Variants in HS3ST2 observed in about 807,000 individuals in gnomAD.
HS3ST2 encodes the protein heparan sulfate glucosamine 3-O-sulfotransferase 2.
HS3ST2 carries 17 observed loss-of-function variants against 26.3 expected under a neutral mutation model. That is an observed-to-expected ratio of 0.65 (90% CI 0.44 to 0.97). The LOEUF (loss-of-function observed/expected upper bound fraction) is 0.97, where lower values mean the gene tolerates loss of function less well. Ranked by LOEUF, HS3ST2 falls within the 50% of genes least tolerant of loss-of-function variation. The probability of loss-of-function intolerance (pLI) is 0.00; values close to 1 mark genes in which losing one functional copy is unlikely to be tolerated. For missense variants in HS3ST2, 402 were observed against 501.2 expected, an observed-to-expected ratio of 0.80 and a Z score of 1.89; for synonymous variants, 237 against 219.2, an observed-to-expected ratio of 1.08 and a Z score of -0.72.
At chr16:22,837,525 A>ATG (rs1901280726) in intron 1 of HS3ST2, among the ~76,000 whole-genome samples, 2 of 146,746 alleles carry the variant, frequency 1.4e-5, no homozygotes, top group Non-Finnish European at 3.0e-5. Flanking sequence ...ATATATACAC[A>ATG]TATATATACA....
At position 22,814,765 on chromosome 16, in the gene HS3ST2, C is replaced by T. The variant is rs1254269360; in HGVS notation, c.155C>T (p.Ala52Val). The part of the protein sequence containing the change: ...DDLGRSRLLG[A>V]PRCLRGPSAG... ...CTGGGTCGGAGCCGCCTCCTCGGCG[C>T]GCCTCGCTGCCTCCGCGGCCCCAGC... Residue 52 changes from alanine (A) to valine (V), a missense_variant, in exon 1 of 2, where the codon GCG becomes GTG. Ala to Val is a moderately conservative substitution (Grantham distance 64). Around this residue, in one of 2 missense-constraint regions of HS3ST2, gnomAD observed 165 missense variants for 154.6 expected, o/e 1.07. Coordinates refer to ENST00000261374, the MANE Select transcript of HS3ST2 (RefSeq NM_006043.2). 1.2e-6 allele frequency: 2 copies of T among 1,605,332 alleles called. No homozygotes were observed. Among genetic ancestry groups the T allele is most frequent in the Non-Finnish European group, 1.7e-6 (2 of 1,177,204 alleles).
rs1902487117 is a variant in HS3ST2 at position 22,915,727 on chromosome 16, CAG to C, written c.*170_*171del. On this transcript the variant is annotated 3_prime_UTR_variant, in exon 2 of 2. Coordinates refer to ENST00000261374, the MANE Select transcript of HS3ST2 (RefSeq NM_006043.2). ...GGAAGCCCAGCTAAAGCCAAGAGAC[CAG>C]AGAGTCCCTGCCACTAGTTTTCATC... is the stretch of plus-strand genomic sequence containing the variant. 4 of 702,288 alleles carry C rather than the reference CAG, an allele frequency of 5.7e-6. No homozygotes were observed. Among genetic ancestry groups the C allele is most frequent in the Non-Finnish European group, 7.1e-6 (3 of 419,912 alleles). 43.5% of individuals were successfully genotyped at this position (702,288 alleles called of 1,614,324 possible).
chr16:22,861,064 A>C (rs773986248), intron 1 of HS3ST2, among the ~76,000 whole-genome samples: 1 of 152,008 alleles, frequency 6.6e-6, no homozygotes, highest in African/African-American at 2.4e-5. Flanking sequence ...TTTTGTAGAT[A>C]TAGGGCCTCA....
chr16:22,834,423 G>A (rs209451), intron 1 of HS3ST2, among the ~76,000 whole-genome samples: 54,247 of 151,780 alleles, frequency 0.36, 10,051 homozygotes, highest in African/African-American at 0.44. Flanking sequence ...TGTGATGCAG[G>A]TATCTCTCCA....
At chr16:22,837,078 A>G (rs190779396) in intron 1 of HS3ST2, among the ~76,000 whole-genome samples, 1 of 151,402 alleles carries the variant, frequency 6.6e-6, no homozygotes, top group Non-Finnish European at 1.5e-5. Context: ...TTTTGTTGGC[A>G]AACTGTTTTG....
intron 1 of HS3ST2, among the ~76,000 whole-genome samples, chr16:22,888,159 C>G (rs1171359692): frequency 1.3e-5 from 2 of 152,076 alleles, no homozygotes; most frequent in Non-Finnish European, 2.9e-5. Context: ...TTTCTTAGGT[C>G]ACCTTCCAAA....
chr16:22,884,827 T>C (rs1902038475), intron 1 of HS3ST2, among the ~76,000 whole-genome samples: 1 of 147,236 alleles, frequency 6.8e-6, no homozygotes. Flanking sequence ...CTCTTTTTTC[T>C]TTCTCTCTCC....
intron 1 of HS3ST2, among the ~76,000 whole-genome samples, chr16:22,888,491 A>G (rs960490434): frequency 6.6e-6 from 1 of 150,916 alleles, no homozygotes; most frequent in Non-Finnish European, 1.5e-5. Context: ...GGTTCAAGCA[A>G]TTCTCCTGCC....
At chr16:22,891,042 A>C (rs920133808) in intron 1 of HS3ST2, among the ~76,000 whole-genome samples, 5 of 152,332 alleles carry the variant, frequency 3.3e-5, no homozygotes, top group Non-Finnish European at 1.5e-5. Flanking sequence ...GTGGAATTTT[A>C]AAAAACGAGC....
At chr16:22,880,179 G>T (rs1166823393) in intron 1 of HS3ST2, among the ~76,000 whole-genome samples, 1 of 152,188 alleles carries the variant, frequency 6.6e-6, no homozygotes, top group Non-Finnish European at 1.5e-5. Context: ...AACACTTTGG[G>T]AGGCCAAGGT....
intron 1 of HS3ST2, among the ~76,000 whole-genome samples, chr16:22,865,934 C>A (rs571921872): frequency 1.3e-5 from 2 of 152,214 alleles, no homozygotes; most frequent in East Asian, 3.9e-4. Flanking sequence ...GGGGAAAATG[C>A]ACAATCAAAT....
intron 1 of HS3ST2, among the ~76,000 whole-genome samples, chr16:22,906,367 C>CTAAATAAATAAATAAATAAATAAA (rs55897973): frequency 6.5e-4 from 93 of 144,128 alleles, no homozygotes; most frequent in East Asian, 1.5e-3. Flanking sequence ...GAGACTCCAT[C>CTAAATAAATAAATAAATAAATAAA]TAAATAAATA....
At chr16:22,897,976 A>G (rs1404306809) in intron 1 of HS3ST2, among the ~76,000 whole-genome samples, 1 of 152,258 alleles carries the variant, frequency 6.6e-6, no homozygotes, top group Non-Finnish European at 1.5e-5. Context: ...CTTGTGAGCC[A>G]CAAAGACGAT....
At chr16:22,888,709 A>G (rs1050331791) in intron 1 of HS3ST2, among the ~76,000 whole-genome samples, 17 of 152,162 alleles carry the variant, frequency 1.1e-4, no homozygotes, top group Non-Finnish European at 2.4e-4. Context: ...TCTTAGCATT[A>G]GACACCACTG....
At position 22,868,317 on chromosome 16, in the gene HS3ST2, G is replaced by A. The variant is rs2283529; in HGVS notation, c.486-46627G>A. On this transcript the variant is annotated intron_variant, in intron 1 of 1. Coordinates refer to ENST00000261374, the MANE Select transcript of HS3ST2 (RefSeq NM_006043.2). ...CCAGCTACCTGGGAGGCTGACACAGGAGAATTGCTTGAACCCGGGAAGCGG... is the reference window on the plus strand; with the variant it reads ...CCAGCTACCTGGGAGGCTGACACAGAAGAATTGCTTGAACCCGGGAAGCGG... Among the ~76,000 whole-genome samples the A allele has an allele frequency of 9.4e-3, 1,396 of 148,652 alleles. 73 individuals carry two copies. In the East Asian group the frequency reaches 0.15, roughly 16 times the overall value.
intron 1 of HS3ST2, among the ~76,000 whole-genome samples, chr16:22,875,369 AATTTATTT>A (rs538593972): frequency 1.2e-3 from 185 of 151,608 alleles, no homozygotes; most frequent in African/African-American, 3.9e-3. Context: ...ACTTTTAATA[AATTTATTT>A]ATTTATTTAT....
At chr16:22,877,420 G>T (rs2141195521) in intron 1 of HS3ST2, among the ~76,000 whole-genome samples, 1 of 152,340 alleles carries the variant, frequency 6.6e-6, no homozygotes, top group African/African-American at 2.4e-5. Context: ...AACATGAGCA[G>T]ACTGGTTATA....
At position 22,880,027 on chromosome 16, in the gene HS3ST2, T is replaced by C. The variant is rs1448823294; in HGVS notation, c.486-34917T>C. 2.6e-5 allele frequency among the ~76,000 whole-genome samples: 4 copies of C among 152,204 alleles called. No homozygotes were observed. The East Asian group carries it at 7.7e-4, about 29-fold the overall frequency. On this transcript the variant is annotated intron_variant, in intron 1 of 1. Coordinates refer to ENST00000261374, the MANE Select transcript of HS3ST2 (RefSeq NM_006043.2). Reference sequence around the variant, plus strand: ...CACAGAGCTCAGCCTCTGGGACTATTGAAGAACATTCTGCTAACTTAGGTA... The same window carrying C: ...CACAGAGCTCAGCCTCTGGGACTATCGAAGAACATTCTGCTAACTTAGGTA...
intron 1 of HS3ST2, among the ~76,000 whole-genome samples, chr16:22,849,865 C>T (rs1306956921): frequency 2.0e-5 from 3 of 152,148 alleles, no homozygotes; most frequent in Non-Finnish European, 4.4e-5. Context: ...ATAGTTCTCA[C>T]ACCAGTCCTG....
Sources: allele counts gnomAD v4.1 joint callset (sites outside exome capture counted in the v4.1 genomes callset), GRCh38; gene constraint gnomAD v4.1.1; regional missense constraint gnomAD v4.1.1; transcripts MANE v1.5; gene names NCBI Gene and HGNC (gene_info 2026-07-23, HGNC 2026-07-21).